TPH2: variants seen among roughly 807,000 people sequenced by gnomAD.
The protein encoded by TPH2 is tryptophan 5-hydroxylase 2.
In TPH2, 27 loss-of-function variants were observed where a neutral mutation model predicts 59.1. That is an observed-to-expected ratio of 0.46 (90% CI 0.34 to 0.63). The LOEUF is 0.63. TPH2 is among the 30% of genes least tolerant of loss of function. The pLI is 0.01. For missense variants in TPH2, 523 were observed against 588.3 expected (o/e 0.89, Z 1.15); for synonymous variants, 220 against 210.5 (o/e 1.05, Z -0.39).
chr12:71,961,625 A>G, intron 5 of TPH2: 1 of 1,352,110 alleles, frequency 7.4e-7, no homozygotes. Flanking sequence ...CTTTGAGCTC[A>G]AGCTCCTTGT....
chr12:71,987,619 C>T (rs909031949), intron 7 of TPH2, among the ~76,000 whole-genome samples: 6 of 152,244 alleles, frequency 3.9e-5, no homozygotes, highest in South Asian at 2.1e-4. Context: ...GAGGCTGAGA[C>T]GGGCAGATCA....
At chr12:71,969,248 A>T (rs975391505) in intron 5 of TPH2, among the ~76,000 whole-genome samples, 1 of 152,124 alleles carries the variant, frequency 6.6e-6, no homozygotes, top group Non-Finnish European at 1.5e-5. Context: ...ACACCACTGC[A>T]CTCCAGCCTG....
At chr12:71,971,115 T>C (rs770362854) in intron 5 of TPH2, among the ~76,000 whole-genome samples, 3 of 152,194 alleles carry the variant, frequency 2.0e-5, no homozygotes, top group Non-Finnish European at 4.4e-5. Flanking sequence ...CTCATTTTTC[T>C]CTACCTCAGG....
intron 8 of TPH2, among the ~76,000 whole-genome samples, chr12:72,008,501 C>T (rs1873014424): frequency 6.6e-6 from 1 of 152,148 alleles, no homozygotes; most frequent in Non-Finnish European, 1.5e-5. Flanking sequence ...GACATATGTT[C>T]ATTCATGTGA....
chr12:71,995,135 T>C (rs1004752783), intron 8 of TPH2, among the ~76,000 whole-genome samples: 6 of 152,216 alleles, frequency 3.9e-5, no homozygotes, highest in African/African-American at 1.4e-4. Context: ...ACAATTATTC[T>C]AAGTACAAAA....
intron 6 of TPH2, among the ~76,000 whole-genome samples, chr12:71,972,947 T>C (rs1412955458): frequency 1.3e-5 from 2 of 152,182 alleles, no homozygotes; most frequent in Non-Finnish European, 2.9e-5. Flanking sequence ...TTGTTGTAAA[T>C]GGTAAGGCCC....
At chr12:71,977,723 G>A (rs1015281218) in intron 6 of TPH2, among the ~76,000 whole-genome samples, 3 of 152,066 alleles carry the variant, frequency 2.0e-5, no homozygotes, top group South Asian at 2.1e-4. Context: ...ACTTAAAGTC[G>A]CAATTTTCAA....
rs1233432468 is a variant in TPH2 at position 71,956,465 on chromosome 12, TTCCTTCCC to T, written c.608+6833_608+6840del. 8.9e-5 allele frequency among the ~76,000 whole-genome samples: 10 copies of T among 111,896 alleles called. 1 individual carries two copies. The highest frequency in any genetic ancestry group is 3.1e-4 in the African/African-American group (9 of 29,150). 73.4% of individuals were successfully genotyped at this position (111,896 alleles called of 152,430 possible). On this transcript the variant is annotated intron_variant, in intron 5 of 10. Coordinates refer to ENST00000333850, the MANE Select transcript of TPH2 (RefSeq NM_173353.4). ...CTCCCTTCCTCCCTTTCTTCCTTCC[TTCCTTCCC>T]TCCTTCCCTCCTTCCCTCCTTCTTT...
intron 9 of TPH2, among the ~76,000 whole-genome samples, chr12:72,024,669 C>T (rs997109131): frequency 2.6e-5 from 4 of 152,282 alleles, no homozygotes; most frequent in South Asian, 4.1e-4. Flanking sequence ...ACAAAGGAAA[C>T]GGATCTCTCT....
intron 5 of TPH2, among the ~76,000 whole-genome samples, chr12:71,958,180 C>A (rs75525237): frequency 0.013 from 1,921 of 152,242 alleles, 55 homozygotes; most frequent in African/African-American, 0.044. Context: ...TGAAATGGAG[C>A]AGTAAATTGA....
At chr12:71,940,464 CTA>C (rs1871026375) in intron 1 of TPH2, among the ~76,000 whole-genome samples, 1 of 152,138 alleles carries the variant, frequency 6.6e-6, no homozygotes, top group South Asian at 2.1e-4. Context: ...TGGCAGATAA[CTA>C]TTCACTGGGT....
chr12:71,954,122 A>C (rs973231107), intron 5 of TPH2, among the ~76,000 whole-genome samples: 3 of 152,170 alleles, frequency 2.0e-5, no homozygotes. Flanking sequence ...TCTATGATGA[A>C]AAAACAGCAG....
chr12:71,995,316 A>G (rs551981420), intron 8 of TPH2, among the ~76,000 whole-genome samples: 3 of 152,278 alleles, frequency 2.0e-5, no homozygotes, highest in Admixed American at 2.0e-4. Flanking sequence ...AGGGCCCAGG[A>G]AGAGAAAAAG....
intron 5 of TPH2, among the ~76,000 whole-genome samples, chr12:71,968,177 G>T (rs1046548281): frequency 1.4e-4 from 21 of 152,144 alleles, no homozygotes; most frequent in Admixed American, 1.4e-3. Flanking sequence ...ATGGTGTTAG[G>T]CATAGTTTTC....
At chr12:71,977,077 A>C (rs2139207061) in intron 6 of TPH2, among the ~76,000 whole-genome samples, 1 of 152,264 alleles carries the variant, frequency 6.6e-6, no homozygotes, top group East Asian at 1.9e-4. Context: ...TTTAGATAAG[A>C]GTCTTGCTCT....
chr12:71,946,577 C>T (rs985865150), intron 4 of TPH2, among the ~76,000 whole-genome samples: 27 of 152,052 alleles, frequency 1.8e-4, no homozygotes, highest in African/African-American at 4.6e-4. Context: ...TTTTTTAAAC[C>T]GCATATATTT....
rs147906905 is a variant in TPH2 at position 72,000,710 on chromosome 12, C to A, written c.1068+6145C>A. On this transcript the variant is annotated intron_variant, in intron 8 of 10. Coordinates refer to ENST00000333850, the MANE Select transcript of TPH2 (RefSeq NM_173353.4). ...GAACAGGATATCACCAGATAAATAT[C>A]ATGCAGTATGAGATGAGTGTATTTA... 2.2e-3 allele frequency among the ~76,000 whole-genome samples: 328 copies of A among 152,280 alleles called. 2 individuals are homozygous for A. Among genetic ancestry groups the A allele is most frequent in the African/African-American group, 7.6e-3 (314 of 41,560 alleles).
intron 8 of TPH2, among the ~76,000 whole-genome samples, chr12:72,010,163 TC>T (rs1364333793): frequency 6.6e-6 from 1 of 152,214 alleles, no homozygotes; most frequent in African/African-American, 2.4e-5. Flanking sequence ...GGTCTCTCAC[TC>T]CAAAGTCAAT....
chr12:71,955,960 T>C (rs905444929), intron 5 of TPH2, among the ~76,000 whole-genome samples: 2 of 152,210 alleles, frequency 1.3e-5, no homozygotes, highest in African/African-American at 4.8e-5. Flanking sequence ...GTATCAAGAA[T>C]TAGGGAACAG....
Sources: gnomAD v4.1 joint callset for allele counts (sites outside exome capture counted in the v4.1 genomes callset) on GRCh38, gnomAD v4.1.1 for gene constraint, MANE v1.5 for transcripts, NCBI Gene and HGNC (gene_info 2026-07-23, HGNC 2026-07-21) for gene names.